Variants in CCDC85C observed in about 807,000 individuals in gnomAD.
CCDC85C encodes coiled-coil domain containing 85C, also known as coiled-coil domain-containing protein 85C.
In CCDC85C, 18 loss-of-function variants were observed where a neutral mutation model predicts 38.3. That is an observed-to-expected ratio of 0.47 (90% CI 0.33 to 0.70). CCDC85C has a LOEUF of 0.70. Ranked by LOEUF, CCDC85C falls within the 30% of genes least tolerant of loss-of-function variation. CCDC85C has a pLI of 0.03. For synonymous variants in CCDC85C, 264 were observed against 293.8 expected (o/e 0.90, Z 1.04); for missense variants, 566 against 621.2 (o/e 0.91, Z 0.94).
At chr14:99,541,610 C>T (rs763586558) in intron 1 of CCDC85C, among the ~76,000 whole-genome samples, 5 of 152,138 alleles carry the variant, frequency 3.3e-5, no homozygotes, top group African/African-American at 4.8e-5. Context: ...GGCTCGGAGT[C>T]ACCCCACCTG....
At chr14:99,584,419 C>T (rs78200208) in intron 1 of CCDC85C, among the ~76,000 whole-genome samples, 10,513 of 152,168 alleles carry the variant, frequency 0.069, 570 homozygotes, top group South Asian at 0.15. Flanking sequence ...CCCATCCAGG[C>T]AGGGTGCTTA....
chr14:99,575,338 C>T (rs1000446478), intron 1 of CCDC85C, among the ~76,000 whole-genome samples: 7 of 152,302 alleles, frequency 4.6e-5, no homozygotes, highest in East Asian at 1.9e-4. Flanking sequence ...GTCCCCCTGC[C>T]GCCAGGGCCT....
intron 2 of CCDC85C, among the ~76,000 whole-genome samples, chr14:99,526,765 C>G (rs1897393458): frequency 6.6e-6 from 1 of 152,218 alleles, no homozygotes; most frequent in Non-Finnish European, 1.5e-5. Context: ...GCCTATCAGG[C>G]TGACACCTCC....
Position 99,507,222 on chromosome 14 carries a change from CT to C in CCDC85C, c.*8023del. 1 of 914,658 alleles carries C rather than the reference CT, an allele frequency of 1.1e-6. No individual in the cohort carries two copies. The highest frequency in any genetic ancestry group is 1.8e-6 in the Non-Finnish European group (1 of 548,720). The allele number at this position is 914,658 out of a possible 1,614,324, so 56.7% of individuals were successfully genotyped here. On this transcript the variant is annotated 3_prime_UTR_variant, in exon 6 of 6. Coordinates refer to ENST00000380243, the MANE Select transcript of CCDC85C (RefSeq NM_001144995.2). ...TGTTGGACGCAGCAGGTCCTGGGAA[CT>C]TAGAAAAGGGAGACTGGGGCCCAGA...
intron 1 of CCDC85C, among the ~76,000 whole-genome samples, chr14:99,577,796 AGT>A (rs60084575): frequency 0.013 from 1,670 of 124,842 alleles, 43 homozygotes; most frequent in African/African-American, 0.048. Context: ...ATCCCCCATC[AGT>A]GTGTGTGTGT....
chr14:99,515,228 G>A lies in CCDC85C; in HGVS notation c.*18C>T, dbSNP rs772614849. ...GGGACCCCCAGCAGGGCCAGTCCAC[G>A]TCCACAGAAGAGTGGCCCTACAAAG... is the stretch of plus-strand genomic sequence containing the variant. On this transcript the variant is annotated 3_prime_UTR_variant, in exon 6 of 6. Coordinates refer to ENST00000380243, the MANE Select transcript of CCDC85C (RefSeq NM_001144995.2). The A allele has an allele frequency of 3.6e-5, 55 of 1,542,608 alleles. No homozygotes were observed. In the South Asian group the frequency reaches 4.5e-4, roughly 13 times the overall value.
At chr14:99,568,609 C>T (rs548275198) in intron 1 of CCDC85C, among the ~76,000 whole-genome samples, 5 of 152,288 alleles carry the variant, frequency 3.3e-5, no homozygotes, top group Middle Eastern at 3.4e-3. Context: ...GTGCCAACCC[C>T]GAGGGGGCTG....
chr14:99,522,020 TG>T (rs2139900983), intron 3 of CCDC85C, 112 bp downstream of exon 3: 3 of 769,496 alleles, frequency 3.9e-6, no homozygotes, highest in East Asian at 2.7e-5. Context: ...GGCCTAGGGC[TG>T]GGGCTGAACT....
chr14:99,513,268 G>C lies in CCDC85C; in HGVS notation c.*1978C>G, dbSNP rs923258490. 7 of 152,162 alleles carry C rather than the reference G, an allele frequency of 4.6e-5. No homozygotes were observed. Among genetic ancestry groups the C allele is most frequent in the African/African-American group, 1.7e-4 (7 of 41,418 alleles). 9.4% of individuals were successfully genotyped at this position (152,162 alleles called of 1,614,324 possible). The stretch of plus-strand genomic sequence containing the variant: ...CCCAGACTTGGCTGCCACTCAAAAT[G>C]GACCCACAGCCCTTGGGCTACTCTG... On this transcript the variant is annotated 3_prime_UTR_variant, in exon 6 of 6. Transcript: ENST00000380243.
chr14:99,561,688 C>T (rs1025325225), intron 1 of CCDC85C, among the ~76,000 whole-genome samples: 26 of 152,168 alleles, frequency 1.7e-4, no homozygotes, highest in African/African-American at 6.3e-4. Context: ...CCCAGGCGCA[C>T]ACCACAGCCA....
chr14:99,519,672 A>C (rs1361400304), intron 3 of CCDC85C, among the ~76,000 whole-genome samples: 3 of 152,226 alleles, frequency 2.0e-5, no homozygotes, highest in African/African-American at 7.2e-5. Flanking sequence ...ACAGCAACAA[A>C]TGAAGGAATC....
At chr14:99,574,230 C>T (rs963503390) in intron 1 of CCDC85C, among the ~76,000 whole-genome samples, 4 of 152,182 alleles carry the variant, frequency 2.6e-5, no homozygotes, top group African/African-American at 9.7e-5. Context: ...ACCAGCAACA[C>T]TAGCAAGACC....
At position 99,548,470 on chromosome 14, in the gene CCDC85C, C is replaced by A. The variant is rs539248927; in HGVS notation, c.794-12382G>T. ...CAGCGGATCAGAGAGCAGCCTGGCG[C>A]GGTTTCCTGCAGCTGAAGATGCTCA... On this transcript the variant is annotated intron_variant, in intron 1 of 5. Coordinates refer to ENST00000380243, the MANE Select transcript of CCDC85C (RefSeq NM_001144995.2). The surrounding 1 kb of genome is among the most constrained non-coding windows in gnomAD (Gnocchi z 4.9). Among the ~76,000 whole-genome samples the A allele has an allele frequency of 2.0e-5, 3 of 152,010 alleles. No homozygotes were observed. The highest frequency in any genetic ancestry group is 7.3e-5 in the African/African-American group (3 of 41,374).
At position 99,545,150 on chromosome 14, in the gene CCDC85C, T is replaced by C. The variant is rs1335902870; in HGVS notation, c.794-9062A>G. Among the ~76,000 whole-genome samples the C allele has an allele frequency of 6.6e-6, 1 of 152,200 alleles. No individual in the cohort carries two copies. The highest frequency in any genetic ancestry group is 1.5e-5 in the Non-Finnish European group (1 of 68,038). On this transcript the variant is annotated intron_variant, in intron 1 of 5. Transcript: ENST00000380243. This position sits in a 1 kb window ranked among gnomAD's most constrained non-coding sequence, Gnocchi z 4.7. Reference sequence around the variant, plus strand: ...GTGCACGCCTGTCCTCTCAGTGTCATCTGTCCCCTCGTGGGCCACTCTGCT... The same window carrying C: ...GTGCACGCCTGTCCTCTCAGTGTCACCTGTCCCCTCGTGGGCCACTCTGCT...
At position 99,515,156 on chromosome 14, in the gene CCDC85C, G is replaced by A. The variant is rs1428872799; in HGVS notation, c.*90C>T. Reference sequence around the variant, plus strand: ...TTCACCACAGAGGAAGAAGACAGGGGCTGGGCTGGAGGTCCTGCCCGTGTC... The same window carrying A: ...TTCACCACAGAGGAAGAAGACAGGGACTGGGCTGGAGGTCCTGCCCGTGTC... On this transcript the variant is annotated 3_prime_UTR_variant, in exon 6 of 6. Transcript: ENST00000380243. 6 of 895,780 alleles carry A rather than the reference G, an allele frequency of 6.7e-6. No homozygotes were observed. The Admixed American group carries it at 1.1e-4, about 17-fold the overall frequency. The allele number at this position is 895,780 out of a possible 1,614,324, so 55.5% of individuals were successfully genotyped here.
At chr14:99,557,299 T>C (rs1898031113) in intron 1 of CCDC85C, among the ~76,000 whole-genome samples, 1 of 152,122 alleles carries the variant, frequency 6.6e-6, no homozygotes, top group Non-Finnish European at 1.5e-5. Context: ...GGGCACGTGG[T>C]CTCAGAGATC....
rs1485356787 is a variant in CCDC85C, at chr14:99,511,090, CA to C, written c.*4155del. ...AGGACGTTAACCAGCCATATTGGCT[CA>C]ATAAATAGCTTCGGTAAGGAGTTAA... On this transcript the variant is annotated 3_prime_UTR_variant, in exon 6 of 6. Transcript: ENST00000380243. 8.6e-6 allele frequency: 2 copies of C among 233,880 alleles called. No homozygotes were observed. Among genetic ancestry groups the C allele is most frequent in the African/African-American group, 4.5e-5 (2 of 44,432 alleles). The allele number at this position is 233,880 out of a possible 1,614,324, so 14.5% of individuals were successfully genotyped here.
intron 1 of CCDC85C, among the ~76,000 whole-genome samples, chr14:99,570,330 T>C (rs1362449062): frequency 6.6e-6 from 1 of 152,216 alleles, no homozygotes; most frequent in Non-Finnish European, 1.5e-5. Context: ...ACAGGTGACC[T>C]CTTTATCCTG....
In CCDC85C at chr14:99,509,927, G is replaced by A; in HGVS notation, c.*5319C>T. 5.1e-6 allele frequency: 3 copies of A among 592,242 alleles called. No individual in the cohort carries two copies. Among genetic ancestry groups the A allele is most frequent in the Non-Finnish European group, 6.0e-6 (2 of 333,522 alleles). 36.7% of individuals were successfully genotyped at this position (592,242 alleles called of 1,614,324 possible). On this transcript the variant is annotated 3_prime_UTR_variant, in exon 6 of 6. Coordinates refer to ENST00000380243, the MANE Select transcript of CCDC85C (RefSeq NM_001144995.2). Reference sequence around the variant, plus strand: ...TGTAGGTGGTGTGGTCAGGGCTGAGGGAGGGAAAACCCCAGGTCGTCGCAG... The same window carrying A: ...TGTAGGTGGTGTGGTCAGGGCTGAGAGAGGGAAAACCCCAGGTCGTCGCAG...
Sources: gnomAD v4.1 joint callset for allele counts (sites outside exome capture counted in the v4.1 genomes callset) on GRCh38, gnomAD v4.1.1 for gene constraint, Gnocchi (gnomAD v3.1) non-coding constraint, MANE v1.5 for transcripts, NCBI Gene and HGNC (gene_info 2026-07-23, HGNC 2026-07-21) for gene names.